The following TTLL5 variants were observed in gnomAD, a reference collection of about 807,000 sequenced individuals.
TTLL5 encodes tubulin tyrosine ligase like 5.
In TTLL5, 132 loss-of-function variants were observed where a neutral mutation model predicts 168.4. That is an observed-to-expected ratio of 0.78 (90% CI 0.68 to 0.91). The LOEUF (loss-of-function observed/expected upper bound fraction) is 0.91. Ranked by LOEUF, TTLL5 falls within the 40% of genes least tolerant of loss-of-function variation. TTLL5 has a pLI of 0.00. For missense variants in TTLL5, 1,545 were observed against 1,581.5 expected (o/e 0.98, Z 0.39); for synonymous variants, 546 against 558.6 (o/e 0.98, Z 0.32).
chr14:75,724,704 A>G (rs1420304146), intron 12 of TTLL5, among the ~76,000 whole-genome samples: 2 of 152,190 alleles, frequency 1.3e-5, no homozygotes, highest in African/African-American at 2.4e-5. Context: ...AATCTTGATC[A>G]TAAGACTTTT....
chr14:75,801,899 G>C (rs1449876705), intron 27 of TTLL5, among the ~76,000 whole-genome samples: 1 of 152,182 alleles, frequency 6.6e-6, no homozygotes, highest in African/African-American at 2.4e-5. Flanking sequence ...TAGATTTCCA[G>C]TCAGAAAGTG....
intron 27 of TTLL5, among the ~76,000 whole-genome samples, chr14:75,802,701 AACTC>A (rs2140370570): frequency 6.6e-6 from 1 of 152,364 alleles, no homozygotes; most frequent in East Asian, 1.9e-4. Flanking sequence ...AGCATGAAAT[AACTC>A]ACTCTCTTGT....
intron 27 of TTLL5, among the ~76,000 whole-genome samples, chr14:75,808,941 G>A (rs1188443273): frequency 6.6e-6 from 1 of 151,088 alleles, no homozygotes; most frequent in African/African-American, 2.4e-5. Flanking sequence ...GTCAGATTTT[G>A]ATATAGCTAT....
At chr14:75,829,610 A>G (rs541802259) in intron 28 of TTLL5, among the ~76,000 whole-genome samples, 14 of 151,702 alleles carry the variant, frequency 9.2e-5, no homozygotes, top group African/African-American at 3.4e-4. Flanking sequence ...TTAAAAGAGC[A>G]TATGGGTTCA....
intron 20 of TTLL5, among the ~76,000 whole-genome samples, chr14:75,769,322 C>CT (rs1216138607): frequency 2.6e-5 from 4 of 152,168 alleles, no homozygotes; most frequent in African/African-American, 9.7e-5. Context: ...GTTCAAAACT[C>CT]TAAGGATCGC....
chr14:75,899,938 CTTTTTT>C (rs34675657), intron 30 of TTLL5, among the ~76,000 whole-genome samples: 6 of 144,100 alleles, frequency 4.2e-5, no homozygotes, highest in Non-Finnish European at 7.5e-5. Flanking sequence ...GGCTTCTTCC[CTTTTTT>C]TTTTTTTTTT....
chr14:75,744,095 T>C (rs1312159281), intron 15 of TTLL5, among the ~76,000 whole-genome samples: 2 of 152,206 alleles, frequency 1.3e-5, no homozygotes, highest in Non-Finnish European at 2.9e-5. Context: ...ACAATGCCTT[T>C]GAATAGATAT....
At chr14:75,827,180 T>G (rs2140429159) in intron 28 of TTLL5, among the ~76,000 whole-genome samples, 1 of 152,364 alleles carries the variant, frequency 6.6e-6, no homozygotes, top group East Asian at 1.9e-4. Context: ...TAGTTCCCTT[T>G]TTTTGAAAGA....
intron 3 of TTLL5, among the ~76,000 whole-genome samples, chr14:75,677,141 TA>T (rs1416350176): frequency 1.3e-5 from 2 of 152,226 alleles, no homozygotes; most frequent in Admixed American, 6.5e-5. Flanking sequence ...TGACTTTTAT[TA>T]TTTTTTTACT....
chr14:75,770,258 A>G (rs1056514787), intron 20 of TTLL5, among the ~76,000 whole-genome samples: 11 of 151,618 alleles, frequency 7.3e-5, no homozygotes, highest in Admixed American at 2.6e-4. Context: ...CATCCCTGCT[A>G]GTAACAAAGA....
chr14:75,809,308 A>G (rs1475312805), intron 27 of TTLL5, among the ~76,000 whole-genome samples: 2 of 152,228 alleles, frequency 1.3e-5, no homozygotes, highest in Non-Finnish European at 1.5e-5. Flanking sequence ...TAGGTAGCAT[A>G]TAACCATTAA....
chr14:75,891,925 AC>A, intron 30 of TTLL5, among the ~76,000 whole-genome samples: 2 of 152,288 alleles, frequency 1.3e-5, no homozygotes, highest in South Asian at 4.1e-4. Flanking sequence ...TGTTTCCCTG[AC>A]ATATATTGCA....
intron 5 of TTLL5, chr14:75,684,032 C>T (rs1594865748): frequency 4.7e-6 from 1 of 212,684 alleles, no homozygotes; most frequent in African/African-American, 2.3e-5. Flanking sequence ...CCTTGGCCTC[C>T]CAAAGTGCTG....
chr14:75,678,805 G>A (rs1222588189), intron 3 of TTLL5, among the ~76,000 whole-genome samples: 1 of 152,102 alleles, frequency 6.6e-6, no homozygotes, highest in Non-Finnish European at 1.5e-5. Flanking sequence ...TTGATCATTT[G>A]GTTAAGACTG....
chr14:75,941,140 G>A lies in TTLL5; in HGVS notation c.3824-13284G>A, dbSNP rs565933449. 1.6e-4 allele frequency among the ~76,000 whole-genome samples: 25 copies of A among 152,318 alleles called. No homozygotes were observed. In the South Asian group the frequency reaches 4.6e-3, roughly 28 times the overall value. On this transcript the variant is annotated intron_variant, in intron 31 of 31. Transcript: ENST00000298832. The stretch of plus-strand genomic sequence containing the variant: ...GCTTGGTGGTGCTGCTGTAGTCAGC[G>A]GCTCCCATGTCCCATGTGGCTGCAT...
intron 3 of TTLL5, among the ~76,000 whole-genome samples, chr14:75,673,465 T>C (rs116961045): frequency 0.013 from 1,988 of 152,316 alleles, 17 homozygotes; most frequent in South Asian, 0.035. Flanking sequence ...TACACTTGGG[T>C]TCTCAGCCAT....
intron 29 of TTLL5, among the ~76,000 whole-genome samples, chr14:75,881,747 A>C (rs1028780163): frequency 1.1e-4 from 17 of 152,170 alleles, no homozygotes; most frequent in Non-Finnish European, 2.2e-4. Context: ...TTTTCTCTTA[A>C]TATTATTTCT....
chr14:75,797,592 A>G (rs1893063421), intron 27 of TTLL5, among the ~76,000 whole-genome samples: 1 of 152,154 alleles, frequency 6.6e-6, no homozygotes, highest in East Asian at 1.9e-4. Flanking sequence ...TGTCCATTTT[A>G]TGCCAATTTT....
At chr14:75,939,393 CATTTT>C (rs1317500874) in intron 31 of TTLL5, among the ~76,000 whole-genome samples, 3 of 151,990 alleles carry the variant, frequency 2.0e-5, no homozygotes, top group Non-Finnish European at 4.4e-5. Context: ...CATTTCATTT[CATTTT>C]ATTTGTTTAG....
Sources: allele counts gnomAD v4.1 joint callset (sites outside exome capture counted in the v4.1 genomes callset), GRCh38; gene constraint gnomAD v4.1.1; transcripts MANE v1.5; gene names NCBI Gene and HGNC (gene_info 2026-07-23, HGNC 2026-07-21).